The following CELF2 variants were observed in gnomAD, a reference collection of about 807,000 sequenced individuals.
CELF2 encodes the protein CUG triplet repeat RNA-binding protein 2.
CELF2 carries 8 observed loss-of-function variants against 62.6 expected under a neutral mutation model. The observed-to-expected ratio is 0.13, with a 90% CI of 0.07 to 0.23. The LOEUF (loss-of-function observed/expected upper bound fraction) is 0.23. Ranked by LOEUF, CELF2 falls within the 10% of genes least tolerant of loss-of-function variation. The pLI is 1.00. For missense variants in CELF2, 333 were observed against 671.0 expected (o/e 0.50, Z 5.56); for synonymous variants, 258 against 250.0 (o/e 1.03, Z -0.30).
rs60798946 is a variant in CELF2, at chr10:11,280,989, C to CGTGTGTGTGTGTGTGTGTGT, written c.841+5882_841+5901dup. On this transcript the variant is annotated intron_variant, in intron 8 of 12. Transcript: ENST00000633077. The surrounding 1 kb of genome is among the most constrained non-coding windows in gnomAD (Gnocchi z 7.6). Reference sequence around the variant, plus strand: ...TGGCGTGCGTGTGCATGCCTGTGTGCGTGTGTGTGTGTGTGTGTGTGTGTG... The same window carrying CGTGTGTGTGTGTGTGTGTGT: ...TGGCGTGCGTGTGCATGCCTGTGTGCGTGTGTGTGTGTGTGTGTGTGTGTGTGTGTGTGTGTGTGTGTGTG... 4.8e-5 allele frequency among the ~76,000 whole-genome samples: 7 copies of CGTGTGTGTGTGTGTGTGTGT among 144,514 alleles called. No homozygotes were observed. The highest frequency in any genetic ancestry group is 1.3e-4 in the African/African-American group (5 of 38,956). 94.8% of individuals were successfully genotyped at this position (144,514 alleles called of 152,430 possible). A position where few individuals can be genotyped will look rare whatever the true frequency, so the allele number is the denominator to read the frequency against.
At chr10:10,910,421 G>A (rs2063705497) in intron 1 of CELF2, among the ~76,000 whole-genome samples, 1 of 152,144 alleles carries the variant, frequency 6.6e-6, no homozygotes, top group South Asian at 2.1e-4. Flanking sequence ...ACAGGCCAGT[G>A]CAGTAGTTCA....
chr10:11,035,183 A>C (rs2060756428), intron 1 of CELF2, among the ~76,000 whole-genome samples: 1 of 152,164 alleles, frequency 6.6e-6, no homozygotes, highest in South Asian at 2.1e-4. Flanking sequence ...AAAATGGTTA[A>C]GACTTTCAAA....
intron 1 of CELF2, among the ~76,000 whole-genome samples, chr10:10,872,523 C>T (rs1309659278): frequency 4.6e-5 from 7 of 152,120 alleles, no homozygotes; most frequent in African/African-American, 1.2e-4. Flanking sequence ...GTCAGCTGAT[C>T]CCAAACATTT....
At chr10:10,605,880 G>C in the CELF2 span, among the ~76,000 whole-genome samples, 1 of 152,310 alleles carries the variant, frequency 6.6e-6, no homozygotes, top group Admixed American at 6.5e-5. Flanking sequence ...TTGGAACTGC[G>C]ATAGGGCCTA....
At position 10,961,066 on chromosome 10, in the gene CELF2, T is replaced by C. The variant is rs183354618; in HGVS notation, c.89+41067T>C. On this transcript the variant is annotated intron_variant, in intron 2 of 13. Coordinates refer to the CELF2 transcript ENST00000636488. ...CTGCCCAATGCACTTTGAATTCCAA[T>C]ACGGACTTCTTACAAGTAATATTTT... 2.0e-5 allele frequency among the ~76,000 whole-genome samples: 3 copies of C among 152,286 alleles called. No homozygotes were observed. The East Asian group carries it at 5.8e-4, about 29-fold the overall frequency.
chr10:11,065,555 T>C (rs760884828), intron 1 of CELF2, among the ~76,000 whole-genome samples: 1 of 152,118 alleles, frequency 6.6e-6, no homozygotes, highest in Non-Finnish European at 1.5e-5. Flanking sequence ...GATTTATCCA[T>C]GTCAAAATGA....
intron 1 of CELF2, among the ~76,000 whole-genome samples, chr10:10,877,593 T>G (rs1352459986): frequency 6.6e-6 from 1 of 152,270 alleles, no homozygotes; most frequent in Non-Finnish European, 1.5e-5. Flanking sequence ...GTTCCCCACT[T>G]GACTTTTCTC....
At chr10:10,650,360 A>G in the CELF2 span, among the ~76,000 whole-genome samples, 1 of 152,226 alleles carries the variant, frequency 6.6e-6, no homozygotes, top group East Asian at 1.9e-4. Flanking sequence ...TCTTGCTTCC[A>G]AAGTAGTATA....
chr10:11,079,343 C>T (rs1450121904), intron 1 of CELF2, among the ~76,000 whole-genome samples: 1 of 152,192 alleles, frequency 6.6e-6, no homozygotes, highest in Non-Finnish European at 1.5e-5. Flanking sequence ...GGTTGAAGTA[C>T]AGCTGTCACC....
the CELF2 span, among the ~76,000 whole-genome samples, chr10:10,525,944 C>A: frequency 6.6e-6 from 1 of 152,230 alleles, no homozygotes; most frequent in Non-Finnish European, 1.5e-5. Context: ...TCCCCACCAA[C>A]CATATACAAT....
chr10:11,320,226 ACAGTCAGCCACCC>A (rs1443840542), intron 10 of CELF2, among the ~76,000 whole-genome samples: 1 of 152,166 alleles, frequency 6.6e-6, no homozygotes, highest in Non-Finnish European at 1.5e-5. Flanking sequence ...GGAAAATGTG[ACAGTCAGCCACCC>A]CAGTAGAGCC....
At chr10:10,660,860 A>G in the CELF2 span, among the ~76,000 whole-genome samples, 1 of 152,344 alleles carries the variant, frequency 6.6e-6, no homozygotes, top group South Asian at 2.1e-4. Flanking sequence ...CTTAAAGTAA[A>G]TTGAACCCAA....
intron 1 of CELF2, among the ~76,000 whole-genome samples, chr10:11,043,822 T>A (rs1418801391): frequency 2.0e-5 from 3 of 152,200 alleles, no homozygotes; most frequent in African/African-American, 7.2e-5. Flanking sequence ...GACTTGAGAT[T>A]GTGCTCGGAT....
intron 1 of CELF2, among the ~76,000 whole-genome samples, chr10:10,804,913 T>G (rs979029548): frequency 7.2e-5 from 11 of 152,178 alleles, no homozygotes; most frequent in Non-Finnish European, 1.2e-4. Flanking sequence ...CATGTGTGGA[T>G]ACCCTTCGGT....
chr10:10,705,998 A>G, the CELF2 span, among the ~76,000 whole-genome samples: 1 of 152,158 alleles, frequency 6.6e-6, no homozygotes, highest in African/African-American at 2.4e-5. Context: ...GCCACACTCT[A>G]CATCCCAGCC....
chr10:10,820,420 G>A (rs1242640438), intron 1 of CELF2, among the ~76,000 whole-genome samples: 1 of 152,126 alleles, frequency 6.6e-6, no homozygotes, highest in Non-Finnish European at 1.5e-5. Context: ...ATTCTTCCAT[G>A]TTAGAAACCA....
At position 11,333,603 on chromosome 10, in the gene CELF2, C is replaced by CA. The variant is rs1386773588; in HGVS notation, c.*4556dup. On this transcript the variant is annotated 3_prime_UTR_variant, in exon 13 of 13. Transcript: ENST00000633077. ...CATTACCTTTTTGAATAATGTCATA[C>CA]AAAAAATGTATTTGTTTTTTTGTGC... The CA allele has an allele frequency of 1.3e-5, 2 of 152,062 alleles. No individual in the cohort carries two copies. Among genetic ancestry groups the CA allele is most frequent in the East Asian group, 1.9e-4 (1 of 5,190 alleles). The allele number at this position is 152,062 out of a possible 1,614,324, so 9.4% of individuals were successfully genotyped here. A position where few individuals can be genotyped will look rare whatever the true frequency, so the allele number is the denominator to read the frequency against.
rs1555055101 is a variant in CELF2 at position 11,280,989 on chromosome 10, C to CAT, written c.841+5869_841+5870insAT. Among the ~76,000 whole-genome samples the CAT allele has an allele frequency of 6.9e-6, 1 of 144,400 alleles. No individual in the cohort carries two copies. The highest frequency in any genetic ancestry group is 6.8e-5 in the Admixed American group (1 of 14,718). The allele number at this position is 144,400 out of a possible 152,430, so 94.7% of individuals were successfully genotyped here. A position where few individuals can be genotyped will look rare whatever the true frequency, so the allele number is the denominator to read the frequency against. ...TGGCGTGCGTGTGCATGCCTGTGTGCGTGTGTGTGTGTGTGTGTGTGTGTG... is the reference window on the plus strand; with the variant it reads ...TGGCGTGCGTGTGCATGCCTGTGTGCATGTGTGTGTGTGTGTGTGTGTGTGTG... On this transcript the variant is annotated intron_variant, in intron 8 of 12. Transcript: ENST00000633077. The surrounding 1 kb of genome is among the most constrained non-coding windows in gnomAD (Gnocchi z 7.6).
chr10:10,509,426 G>A, the CELF2 span, among the ~76,000 whole-genome samples: 1 of 152,154 alleles, frequency 6.6e-6, no homozygotes, highest in Non-Finnish European at 1.5e-5. Context: ...CCAATTCCCA[G>A]ACAGTCCATT....
Sources: allele counts gnomAD v4.1 joint callset (sites outside exome capture counted in the v4.1 genomes callset), GRCh38; gene constraint gnomAD v4.1.1; non-coding constraint Gnocchi (gnomAD v3.1); transcripts MANE v1.5; gene names NCBI Gene and HGNC (gene_info 2026-07-23, HGNC 2026-07-21).